Variants in PPM1L observed in about 807,000 individuals in gnomAD.
PPM1L encodes the protein protein phosphatase 1L.
Under a neutral mutation model 31.4 loss-of-function variants are expected in PPM1L, and 13 were observed. The ratio of observed to expected loss-of-function variants is 0.41; its 90% CI spans 0.27 to 0.66. PPM1L has a LOEUF of 0.66. Among genes scored for constraint, PPM1L ranks in the 30% least tolerant of loss-of-function variants. PPM1L has a pLI of 0.29. For synonymous variants in PPM1L, 184 were observed against 175.4 expected (o/e 1.05, Z -0.39); for missense variants, 326 against 453.7 (o/e 0.72, Z 2.56).
At chr3:160,898,392 C>T (rs556973758) in intron 1 of PPM1L, among the ~76,000 whole-genome samples, 1 of 152,234 alleles carries the variant, frequency 6.6e-6, no homozygotes, top group South Asian at 2.1e-4. Context: ...CTCAGCGTCT[C>T]CTGAGGAATT....
intron 1 of PPM1L, among the ~76,000 whole-genome samples, chr3:160,827,518 A>C (rs1246693860): frequency 6.6e-6 from 1 of 150,938 alleles, no homozygotes; most frequent in Non-Finnish European, 1.5e-5. Context: ...CAAGGGTAAG[A>C]GTTACAGAAC....
chr3:161,045,331 C>G (rs905322066), intron 2 of PPM1L, among the ~76,000 whole-genome samples: 14 of 152,292 alleles, frequency 9.2e-5, no homozygotes, highest in Middle Eastern at 3.4e-3. Context: ...CTTCTCAGCA[C>G]CACATCGCAC....
At chr3:161,028,869 A>G (rs900863547) in intron 2 of PPM1L, among the ~76,000 whole-genome samples, 2 of 152,200 alleles carry the variant, frequency 1.3e-5, no homozygotes, top group Admixed American at 6.5e-5. Context: ...ACTCCTTAAC[A>G]TGCAACTTGG....
chr3:160,803,064 C>T lies in PPM1L; in HGVS notation c.399+46357C>T, dbSNP rs568424415. 2.0e-5 allele frequency among the ~76,000 whole-genome samples: 3 copies of T among 152,288 alleles called. No homozygotes were observed. In the East Asian group the frequency reaches 5.8e-4, roughly 29 times the overall value. ...AAACAGTGCTGGCCAGCTGGTCTGG[C>T]TGCAGCATTAAGGCGAATCCTAAGG... On this transcript the variant is annotated intron_variant, in intron 1 of 3. Transcript: ENST00000498165.
At chr3:160,845,395 C>T (rs1008361203) in intron 1 of PPM1L, among the ~76,000 whole-genome samples, 3 of 151,856 alleles carry the variant, frequency 2.0e-5, no homozygotes, top group Non-Finnish European at 2.9e-5. Flanking sequence ...GGATATAAGT[C>T]GTTTATTAGA....
chr3:160,991,927 C>T (rs1717148463), intron 2 of PPM1L, among the ~76,000 whole-genome samples: 1 of 152,174 alleles, frequency 6.6e-6, no homozygotes, highest in Non-Finnish European at 1.5e-5. Context: ...TTATTGAGCA[C>T]TTCTATGTGC....
chr3:160,769,192 A>G (rs1243367377), intron 1 of PPM1L, among the ~76,000 whole-genome samples: 1 of 152,212 alleles, frequency 6.6e-6, no homozygotes, highest in Non-Finnish European at 1.5e-5. Context: ...CAACTTAGAA[A>G]GGTGAACAAA....
rs542569554 is a variant in PPM1L, at chr3:161,035,634, G to A, written c.575-29769G>A. On this transcript the variant is annotated intron_variant, in intron 2 of 3. Transcript: ENST00000498165. ...AGACTAAAACTTCCTCATGTCAGAGGTAAGATTGCTTTATTTCCCAACTAA... is the reference window on the plus strand; with the variant it reads ...AGACTAAAACTTCCTCATGTCAGAGATAAGATTGCTTTATTTCCCAACTAA... Among the ~76,000 whole-genome samples the A allele has an allele frequency of 1.8e-4, 28 of 152,336 alleles. No individual in the cohort carries two copies. The South Asian group carries it at 5.8e-3, about 32-fold the overall frequency.
At chr3:160,957,802 T>G (rs1715826570) in intron 1 of PPM1L, among the ~76,000 whole-genome samples, 1 of 152,090 alleles carries the variant, frequency 6.6e-6, no homozygotes, top group African/African-American at 2.4e-5. Flanking sequence ...GGTCTTGATC[T>G]CCTGACCTTG....
At chr3:160,944,468 T>C (rs1715259036) in intron 1 of PPM1L, among the ~76,000 whole-genome samples, 1 of 151,104 alleles carries the variant, frequency 6.6e-6, no homozygotes, top group South Asian at 2.1e-4. Context: ...CCATCCATTT[T>C]CTCTGAGGAC....
intron 1 of PPM1L, among the ~76,000 whole-genome samples, chr3:160,802,688 T>G (rs1243521990): frequency 6.6e-6 from 1 of 152,160 alleles, no homozygotes; most frequent in Non-Finnish European, 1.5e-5. Context: ...AAAGTTATAC[T>G]AGGAGACAGT....
chr3:160,824,040 G>T (rs777069930), intron 1 of PPM1L, among the ~76,000 whole-genome samples: 3 of 152,124 alleles, frequency 2.0e-5, no homozygotes, highest in African/African-American at 7.2e-5. Context: ...GTATGAGTGT[G>T]CAATAGATTG....
Position 160,808,318 on chromosome 3 carries a change from T to C in PPM1L, c.399+51611T>C, listed in dbSNP as rs868852302. ...GTGTGTGTGTGTGTGTGTGTGTGTG[T>C]GTGCGTGCATGTGTGGTGGGTGAGG... is the stretch of plus-strand genomic sequence containing the variant. On this transcript the variant is annotated intron_variant, in intron 1 of 3. Transcript: ENST00000498165. Among the ~76,000 whole-genome samples, 886 of 143,500 alleles carry C rather than the reference T, an allele frequency of 6.2e-3. 12 individuals carry two copies. Among genetic ancestry groups the C allele is most frequent in the African/African-American group, 0.024 (847 of 35,164 alleles). 94.1% of individuals were successfully genotyped at this position (143,500 alleles called of 152,430 possible). A position where few individuals can be genotyped will look rare whatever the true frequency, so the allele number is the denominator to read the frequency against.
intron 1 of PPM1L, among the ~76,000 whole-genome samples, chr3:160,786,621 G>A (rs771571923): frequency 1.1e-4 from 16 of 151,584 alleles, no homozygotes; most frequent in Non-Finnish European, 1.8e-4. Flanking sequence ...TAGGTTCAGG[G>A]GGTACCTGTA....
intron 1 of PPM1L, among the ~76,000 whole-genome samples, chr3:160,824,655 G>A (rs940106966): frequency 3.9e-5 from 6 of 152,110 alleles, no homozygotes; most frequent in Non-Finnish European, 7.4e-5. Flanking sequence ...CCATCACTAG[G>A]ATCATGGCCA....
chr3:160,856,657 G>A (rs1002679236), intron 1 of PPM1L, among the ~76,000 whole-genome samples: 1 of 152,126 alleles, frequency 6.6e-6, no homozygotes, highest in African/African-American at 2.4e-5. Context: ...ATACTTGGGG[G>A]TGGAGAGTGG....
intron 2 of PPM1L, among the ~76,000 whole-genome samples, chr3:161,058,974 G>A (rs1480828457): frequency 6.6e-6 from 1 of 152,010 alleles, no homozygotes; most frequent in African/African-American, 2.4e-5. Flanking sequence ...TAACTTTTTT[G>A]TATACTGTTA....
intron 1 of PPM1L, among the ~76,000 whole-genome samples, chr3:160,787,204 A>G (rs1487147449): frequency 6.6e-6 from 1 of 152,214 alleles, no homozygotes; most frequent in Non-Finnish European, 1.5e-5. Context: ...TGGCTGAACT[A>G]ATTTACATTT....
intron 1 of PPM1L, among the ~76,000 whole-genome samples, chr3:160,941,144 G>T (rs923717146): frequency 3.9e-5 from 6 of 152,134 alleles, no homozygotes; most frequent in African/African-American, 1.4e-4. Flanking sequence ...TGGAATGACT[G>T]TATTTACCCA....
Sources: gnomAD v4.1 joint callset for allele counts (sites outside exome capture counted in the v4.1 genomes callset) on GRCh38, gnomAD v4.1.1 for gene constraint, MANE v1.5 for transcripts, NCBI Gene and HGNC (gene_info 2026-07-23, HGNC 2026-07-21) for gene names.